The following RGS7 variants were observed in gnomAD, a reference collection of about 807,000 sequenced individuals.
RGS7 encodes the protein regulator of G-protein signaling 7.
RGS7 carries 27 observed loss-of-function variants against 81.1 expected under a neutral mutation model. The ratio of observed to expected loss-of-function variants is 0.33; its 90% confidence interval spans 0.25 to 0.46. The LOEUF (loss-of-function observed/expected upper bound fraction) is 0.46, where lower values mean the gene tolerates loss of function less well. Among genes scored for constraint, RGS7 ranks in the 20% least tolerant of loss-of-function variants. The pLI is 1.00. For synonymous variants in RGS7, 208 were observed against 207.7 expected (o/e 1.00, Z -0.01); for missense variants, 396 against 607.4 (o/e 0.65, Z 3.66).
intron 2 of RGS7, among the ~76,000 whole-genome samples, chr1:241,331,201 C>T (rs2081957531): frequency 6.6e-6 from 1 of 152,140 alleles, no homozygotes; most frequent in Non-Finnish European, 1.5e-5. Flanking sequence ...ACCCATTGTG[C>T]TGCTGATTAT....
chr1:241,309,112 C>T (rs575846161), intron 2 of RGS7, among the ~76,000 whole-genome samples: 6 of 152,152 alleles, frequency 3.9e-5, no homozygotes, highest in Non-Finnish European at 8.8e-5. Flanking sequence ...TAAGTCCAGG[C>T]GCGGTGGCTC....
chr1:241,104,627 A>AT (rs572294345), intron 2 of RGS7, among the ~76,000 whole-genome samples: 12 of 152,190 alleles, frequency 7.9e-5, no homozygotes, highest in Non-Finnish European at 1.6e-4. Context: ...GCAAGACTTA[A>AT]TTTTTTAATG....
chr1:241,078,301 CTGTGTGTGTGTGTGTGTGTG>C (rs71568986), intron 3 of RGS7, among the ~76,000 whole-genome samples: 20 of 130,272 alleles, frequency 1.5e-4, no homozygotes, highest in Non-Finnish European at 2.6e-4. Flanking sequence ...CTTCTGGTCT[CTGTGTGTGTGTGTGTGTGTG>C]TGTGTGTGTG....
chr1:241,016,361 T>C (rs1197928246), intron 3 of RGS7, among the ~76,000 whole-genome samples: 4 of 151,840 alleles, frequency 2.6e-5, no homozygotes, highest in Non-Finnish European at 5.9e-5. Context: ...CTACTAAAAA[T>C]ACAAAAATTA....
chr1:241,052,579 G>A (rs953859627), intron 3 of RGS7, among the ~76,000 whole-genome samples: 1 of 152,062 alleles, frequency 6.6e-6, no homozygotes, highest in Non-Finnish European at 1.5e-5. Context: ...TATAAAAAGC[G>A]AAATCACTCC....
intron 3 of RGS7, among the ~76,000 whole-genome samples, chr1:240,985,748 T>TAAG (rs1685560607): frequency 6.6e-6 from 1 of 152,054 alleles, no homozygotes. Context: ...TCTGTAAGAG[T>TAAG]AAGACCTCAA....
chr1:240,997,339 T>A (rs1006258026), intron 3 of RGS7, among the ~76,000 whole-genome samples: 1 of 152,170 alleles, frequency 6.6e-6, no homozygotes, highest in African/African-American at 2.4e-5. Flanking sequence ...AAAATTATAT[T>A]CACACAACTT....
chr1:241,126,298 C>G (rs1004738185), intron 2 of RGS7, among the ~76,000 whole-genome samples: 1 of 151,964 alleles, frequency 6.6e-6, no homozygotes, highest in Non-Finnish European at 1.5e-5. Context: ...TACAGGCATG[C>G]GCAACCACAC....
chr1:241,062,837 C>T (rs963477354), intron 3 of RGS7, among the ~76,000 whole-genome samples: 3 of 152,156 alleles, frequency 2.0e-5, no homozygotes, highest in Admixed American at 1.3e-4. Context: ...TGAACACTAA[C>T]GTGTTAAAGA....
chr1:240,996,847 G>A lies in RGS7; in HGVS notation c.176-13718C>T, dbSNP rs79361405. ...GTATATTTAATGTAATTACTGATAG[G>A]GCTTAAGTATGCCATTTTATTTTTT... is the stretch of plus-strand genomic sequence containing the variant. On this transcript the variant is annotated intron_variant, in intron 3 of 18. Coordinates refer to ENST00000440928, the MANE Select transcript of RGS7 (RefSeq NM_001364886.1). Among the ~76,000 whole-genome samples the A allele has an allele frequency of 1.5e-3, 231 of 151,954 alleles. 1 individual carries two copies. In the Middle Eastern group the frequency reaches 0.024, roughly 16 times the overall value.
At chr1:240,912,106 G>A (rs1179025146) in intron 6 of RGS7, among the ~76,000 whole-genome samples, 4 of 129,684 alleles carry the variant, frequency 3.1e-5, no homozygotes, top group African/African-American at 8.7e-5. Flanking sequence ...AGCTGAGATC[G>A]TGCCACTGCA....
chr1:240,905,929 T>C (rs1670744719), intron 6 of RGS7, among the ~76,000 whole-genome samples: 1 of 152,184 alleles, frequency 6.6e-6, no homozygotes, highest in African/African-American at 2.4e-5. Context: ...AAATTGGTCA[T>C]GTCAGTTACG....
chr1:240,815,435 T>C (rs562844989), intron 11 of RGS7, among the ~76,000 whole-genome samples: 7 of 152,250 alleles, frequency 4.6e-5, no homozygotes, highest in Non-Finnish European at 1.0e-4. Flanking sequence ...ATTTAGAAAA[T>C]AAATGTATTT....
At chr1:241,184,375 T>C (rs2071910862) in intron 2 of RGS7, among the ~76,000 whole-genome samples, 1 of 152,148 alleles carries the variant, frequency 6.6e-6, no homozygotes, top group South Asian at 2.1e-4. Context: ...TAACCACACA[T>C]CAGGTTGGTA....
chr1:240,871,008 G>T (rs568137020), intron 6 of RGS7, among the ~76,000 whole-genome samples: 1 of 152,134 alleles, frequency 6.6e-6, no homozygotes, highest in Admixed American at 6.5e-5. Context: ...GTCCATCTGG[G>T]CAGCAGATTT....
At chr1:240,902,396 C>T (rs1362171212) in intron 6 of RGS7, among the ~76,000 whole-genome samples, 2 of 152,044 alleles carry the variant, frequency 1.3e-5, no homozygotes, top group Non-Finnish European at 2.9e-5. Context: ...TTTTATTTGG[C>T]TACCATTGTT....
At chr1:240,896,943 G>A (rs926895202) in intron 6 of RGS7, among the ~76,000 whole-genome samples, 4 of 152,100 alleles carry the variant, frequency 2.6e-5, no homozygotes, top group Non-Finnish European at 4.4e-5. Flanking sequence ...ATTTGTTTGT[G>A]TCTTCTTTTA....
intron 9 of RGS7, among the ~76,000 whole-genome samples, chr1:240,853,592 T>C (rs1660483833): frequency 6.6e-6 from 1 of 152,074 alleles, no homozygotes; most frequent in Non-Finnish European, 1.5e-5. Context: ...AGTCATTCAT[T>C]ACATGTACTA....
chr1:241,074,924 G>T (rs1264944913), intron 3 of RGS7, among the ~76,000 whole-genome samples: 1 of 152,158 alleles, frequency 6.6e-6, no homozygotes, highest in South Asian at 2.1e-4. Context: ...AAGCCAAATT[G>T]CTTAGCACAG....
Sources: gnomAD v4.1 joint callset for allele counts (sites outside exome capture counted in the v4.1 genomes callset) on GRCh38, gnomAD v4.1.1 for gene constraint, MANE v1.5 for transcripts, NCBI Gene and HGNC (gene_info 2026-07-23, HGNC 2026-07-21) for gene names.